ADAM22: variants seen among roughly 807,000 people sequenced by gnomAD.
The protein encoded by ADAM22 is disintegrin and metalloproteinase domain-containing protein 22.
Under a neutral mutation model 144.6 loss-of-function variants are expected in ADAM22, and 65 were observed. That is an observed-to-expected ratio of 0.45 (90% CI 0.37 to 0.55). The LOEUF is 0.55. ADAM22 is among the 20% of genes least tolerant of loss of function. ADAM22 has a pLI of 0.00. For synonymous variants in ADAM22, 391 were observed against 412.6 expected (o/e 0.95, Z 0.63); for missense variants, 974 against 1,184.9 (o/e 0.82, Z 2.61).
chr7:88,047,252 C>CTCT (rs972183021), intron 3 of ADAM22, among the ~76,000 whole-genome samples: 72 of 152,206 alleles, frequency 4.7e-4, no homozygotes, highest in African/African-American at 1.6e-3. Context: ...CTTATCTTTT[C>CTCT]TCTACCTCTG....
At chr7:88,055,767 A>C (rs1004164175) in intron 3 of ADAM22, among the ~76,000 whole-genome samples, 4 of 151,942 alleles carry the variant, frequency 2.6e-5, no homozygotes, top group Non-Finnish European at 5.9e-5. Flanking sequence ...TCCCTAACAC[A>C]CCTTTCATAA....
intron 7 of ADAM22, among the ~76,000 whole-genome samples, chr7:88,124,159 C>G (rs1297990147): frequency 6.6e-6 from 1 of 151,726 alleles, no homozygotes; most frequent in African/African-American, 2.4e-5. Context: ...TCTTCTATAT[C>G]CATATGATTC....
chr7:88,159,037 A>G (rs1212957100), intron 22 of ADAM22, among the ~76,000 whole-genome samples: 1 of 152,020 alleles, frequency 6.6e-6, no homozygotes, highest in African/African-American at 2.4e-5. Flanking sequence ...AAGAGAGAAG[A>G]TCCAAATTAA....
rs17150134 is a variant in ADAM22 at position 88,015,602 on chromosome 7, A to G, written c.323+37190A>G. Among the ~76,000 whole-genome samples, 769 of 152,336 alleles carry G rather than the reference A, an allele frequency of 5.0e-3. 12 individuals carry two copies. Among genetic ancestry groups the G allele is most frequent in the East Asian group, 0.041 (213 of 5,182 alleles). On this transcript the variant is annotated intron_variant, in intron 3 of 31. Transcript: ENST00000413139. ...AGGAGATGGAAACAGACCTCCAAAC[A>G]TCACATTTTATCTTAGTACGTTAAA...
chr7:88,177,498 CAT>C (rs999177336), intron 26 of ADAM22, among the ~76,000 whole-genome samples: 1 of 152,028 alleles, frequency 6.6e-6, no homozygotes, highest in African/African-American at 2.4e-5. Flanking sequence ...TTGGAGGAAT[CAT>C]ATCAAAAAGT....
chr7:87,944,183 G>A (rs2131295169), intron 2 of ADAM22, among the ~76,000 whole-genome samples: 1 of 151,796 alleles, frequency 6.6e-6, no homozygotes, highest in East Asian at 1.9e-4. Flanking sequence ...TGTTTCGGAG[G>A]AATTGCCTTC....
intron 2 of ADAM22, 48 bp from the exon 3 acceptor site, chr7:87,978,288 T>C: frequency 7.2e-7 from 1 of 1,385,246 alleles, no homozygotes; most frequent in Non-Finnish European, 1.0e-6. Flanking sequence ...AATTGTCTGA[T>C]TAGTATGGCT....
intron 3 of ADAM22, among the ~76,000 whole-genome samples, chr7:87,995,565 G>T (rs551866650): frequency 2.0e-5 from 3 of 152,128 alleles, no homozygotes; most frequent in Admixed American, 2.0e-4. Context: ...GGGACCAGCG[G>T]CATCATCGTG....
intron 4 of ADAM22, among the ~76,000 whole-genome samples, chr7:88,086,141 A>G (rs1001940558): frequency 2.6e-5 from 4 of 152,198 alleles, no homozygotes; most frequent in African/African-American, 9.6e-5. Flanking sequence ...GCGCCACTGC[A>G]CTCCAGCCTG....
chr7:88,072,813 G>C (rs1813173806), intron 3 of ADAM22, among the ~76,000 whole-genome samples: 1 of 152,180 alleles, frequency 6.6e-6, no homozygotes, highest in Admixed American at 6.5e-5. Context: ...TTTTAAGACT[G>C]ATAGCAAGGT....
intron 3 of ADAM22, among the ~76,000 whole-genome samples, chr7:88,015,123 G>A (rs369229391): frequency 2.6e-5 from 4 of 152,184 alleles, no homozygotes; most frequent in African/African-American, 4.8e-5. Context: ...GAAATGGATT[G>A]TGGATACTAA....
intron 3 of ADAM22, among the ~76,000 whole-genome samples, chr7:88,042,794 T>A (rs1236481124): frequency 6.6e-6 from 1 of 151,644 alleles, no homozygotes; most frequent in Non-Finnish European, 1.5e-5. Context: ...CAATATAATA[T>A]CTTGTTCTTG....
chr7:88,129,096 A>G (rs773151459), intron 9 of ADAM22, among the ~76,000 whole-genome samples: 5 of 152,020 alleles, frequency 3.3e-5, no homozygotes, highest in African/African-American at 1.2e-4. Context: ...TTTTGGTCTT[A>G]CTGTGCAGAA....
intron 4 of ADAM22, chr7:88,089,943 A>T (rs948508538): frequency 1.9e-4 from 29 of 152,124 alleles, no homozygotes; most frequent in African/African-American, 6.5e-4. Context: ...TCCTGCTGCC[A>T]TGGTAATTGG....
At chr7:88,173,845 A>G (rs1363644986) in intron 26 of ADAM22, among the ~76,000 whole-genome samples, 2 of 152,062 alleles carry the variant, frequency 1.3e-5, no homozygotes, top group East Asian at 3.9e-4. Context: ...TGGTGACGGG[A>G]AGTTATTAGC....
At chr7:88,088,427 T>A (rs115735913) in intron 4 of ADAM22, among the ~76,000 whole-genome samples, 1 of 152,068 alleles carries the variant, frequency 6.6e-6, no homozygotes, top group Non-Finnish European at 1.5e-5. Context: ...CAGATTTCCA[T>A]TTCTTCTTTC....
intron 6 of ADAM22, among the ~76,000 whole-genome samples, chr7:88,115,550 T>A (rs1448795389): frequency 6.6e-6 from 1 of 152,192 alleles, no homozygotes; most frequent in Non-Finnish European, 1.5e-5. Flanking sequence ...TCTGGTTGTC[T>A]CCACTTGTTA....
At chr7:88,053,958 C>T (rs949038099) in intron 3 of ADAM22, among the ~76,000 whole-genome samples, 28 of 152,052 alleles carry the variant, frequency 1.8e-4, no homozygotes, top group Non-Finnish European at 1.6e-4. Flanking sequence ...TGGCGAAACC[C>T]GATCTCTATT....
intron 3 of ADAM22, among the ~76,000 whole-genome samples, chr7:88,035,999 G>C (rs957794398): frequency 6.6e-6 from 1 of 152,148 alleles, no homozygotes; most frequent in African/African-American, 2.4e-5. Flanking sequence ...GTAGAAGAAA[G>C]TCAAGTAGAT....
Sources: gnomAD v4.1 joint callset for allele counts (sites outside exome capture counted in the v4.1 genomes callset) on GRCh38, gnomAD v4.1.1 for gene constraint, MANE v1.5 for transcripts, NCBI Gene and HGNC (gene_info 2026-07-23, HGNC 2026-07-21) for gene names.